The following RFX4 variants were observed in gnomAD, a reference collection of about 807,000 sequenced individuals.
RFX4 encodes the protein regulatory factor X4.
RFX4 carries 10 observed loss-of-function variants against 95.0 expected under a neutral mutation model. That is an observed-to-expected ratio of 0.11 (90% confidence interval 0.06 to 0.18). The LOEUF (loss-of-function observed/expected upper bound fraction) is 0.18, where lower values mean the gene tolerates loss of function less well. Ranked by LOEUF, RFX4 falls within the 10% of genes least tolerant of loss-of-function variation. The probability of loss-of-function intolerance (pLI) is 1.00; values close to 1 mark genes in which losing one functional copy is unlikely to be tolerated. For missense variants in RFX4, 640 were observed against 922.0 expected, an observed-to-expected ratio of 0.69 and a Z score of 3.96; for synonymous variants, 321 against 340.7, an observed-to-expected ratio of 0.94 and a Z score of 0.64.
intron 9 of RFX4, among the ~76,000 whole-genome samples, 158 bp from the exon 10 acceptor site, chr12:106,711,293 CAA>C (rs764729343): frequency 7.2e-5 from 11 of 152,160 alleles, no homozygotes; most frequent in Non-Finnish European, 1.5e-4. Context: ...AACAAAGAAT[CAA>C]GTGCAGGGTT....
At chr12:106,640,639 T>C (rs756528520) in intron 3 of RFX4, among the ~76,000 whole-genome samples, 55 of 152,302 alleles carry the variant, frequency 3.6e-4, no homozygotes, top group Admixed American at 2.6e-3. Flanking sequence ...CTACTTTATG[T>C]ATCAGATCAA....
intron 3 of RFX4, among the ~76,000 whole-genome samples, chr12:106,641,362 T>C (rs1486063028): frequency 6.6e-6 from 1 of 152,134 alleles, no homozygotes; most frequent in East Asian, 1.9e-4. Context: ...CAATAGTGTC[T>C]AGCTCATAGG....
At chr12:106,703,773 G>C (rs984373259) in intron 8 of RFX4, among the ~76,000 whole-genome samples, 5 of 152,008 alleles carry the variant, frequency 3.3e-5, no homozygotes, top group African/African-American at 1.2e-4. Context: ...AAGATTAAAA[G>C]CTGAAATGAG....
intron 1 of RFX4, among the ~76,000 whole-genome samples, chr12:106,598,465 C>G (rs1305389492): frequency 6.6e-6 from 1 of 152,068 alleles, no homozygotes; most frequent in Non-Finnish European, 1.5e-5. Flanking sequence ...TTGCGACCAA[C>G]ACACACAAAA....
intron 1 of RFX4, among the ~76,000 whole-genome samples, chr12:106,591,255 A>C (rs1384960708): frequency 1.4e-5 from 2 of 146,218 alleles, no homozygotes; most frequent in Non-Finnish European, 3.0e-5. Flanking sequence ...AAGTGTTAAA[A>C]TAGTCCCTTT....
intron 13 of RFX4, among the ~76,000 whole-genome samples, chr12:106,721,157 T>A (rs1323461482): frequency 6.6e-6 from 1 of 152,200 alleles, no homozygotes; most frequent in Non-Finnish European, 1.5e-5. Flanking sequence ...CATGCCTAGA[T>A]GTTCCCAGTG....
At chr12:106,671,563 T>TGAATGGAGACAGC (rs2041281186) in intron 4 of RFX4, among the ~76,000 whole-genome samples, 1 of 152,172 alleles carries the variant, frequency 6.6e-6, no homozygotes, top group Admixed American at 6.5e-5. Flanking sequence ...CCAGAGACTG[T>TGAATGGAGACAGC]GAATGGAGAC....
chr12:106,607,900 G>A (rs2039871138), intron 1 of RFX4, among the ~76,000 whole-genome samples: 1 of 152,060 alleles, frequency 6.6e-6, no homozygotes, highest in African/African-American at 2.4e-5. Flanking sequence ...ATTTTAAAAG[G>A]GCTACATAGT....
At chr12:106,726,905 G>A (rs538100242) in intron 13 of RFX4, among the ~76,000 whole-genome samples, 1 of 152,050 alleles carries the variant, frequency 6.6e-6, no homozygotes, top group East Asian at 1.9e-4. Context: ...CCAAGTAGCT[G>A]GGATTACAGG....
At chr12:106,674,717 A>G (rs2041357856) in intron 4 of RFX4, among the ~76,000 whole-genome samples, 1 of 152,048 alleles carries the variant, frequency 6.6e-6, no homozygotes, top group Non-Finnish European at 1.5e-5. Flanking sequence ...TGACTTTTTC[A>G]TTTATTTTTG....
rs75876468 is a variant in RFX4, at chr12:106,595,266, C to T, written c.43+11903C>T. Among the ~76,000 whole-genome samples the T allele has an allele frequency of 6.5e-3, 986 of 152,284 alleles. 13 individuals are homozygous for T. Among genetic ancestry groups the T allele is most frequent in the African/African-American group, 0.023 (955 of 41,542 alleles). On this transcript the variant is annotated intron_variant, in intron 1 of 17. Transcript: ENST00000392842. The stretch of plus-strand genomic sequence containing the variant: ...TACTGTGATTCCAAAGCCAGGTTGC[C>T]TCCTTGCCTCCCCAACTCCAGAGCT...
intron 2 of RFX4, among the ~76,000 whole-genome samples, chr12:106,620,017 T>C (rs562117500): frequency 2.4e-4 from 37 of 152,358 alleles, no homozygotes; most frequent in African/African-American, 8.4e-4. Flanking sequence ...TATTTTTCTC[T>C]ATCTCCTCAA....
Position 106,684,581 on chromosome 12 carries a change from A to G in RFX4, c.378-2303A>G, listed in dbSNP as rs184551696. The G allele has an allele frequency of 1.9e-5, 14 of 751,352 alleles. No homozygotes were observed. The East Asian group carries it at 2.2e-4, about 12-fold the overall frequency. The allele number at this position is 751,352 out of a possible 1,614,324, so 46.5% of individuals were successfully genotyped here. On this transcript the variant is annotated intron_variant, in intron 5 of 17. Transcript: ENST00000392842. ...TCAAGAAGTGGTCTGGTCTGAACAT[A>G]TTAGATGATCTGGCTCTTAAGAAGT...
At position 106,689,310 on chromosome 12, in the gene RFX4, C is replaced by T. The variant is rs748839773; in HGVS notation, c.615C>T (p.Tyr205=). ...EEKVSTFIMM[Y]RTHCQRILDT... ...AGGTTTCTACCTTTATTATGATGTACAGAACACACTGTCAGAGAATACTGG... is the reference window on the plus strand; with the variant it reads ...AGGTTTCTACCTTTATTATGATGTATAGAACACACTGTCAGAGAATACTGG... Residue 205 remains tyrosine (Y), a synonymous_variant, in exon 7 of 18, where the codon TAC becomes TAT. Transcript: ENST00000392842. 3 of 1,613,772 alleles carry T rather than the reference C, an allele frequency of 1.9e-6. No homozygotes were observed. The highest frequency in any genetic ancestry group is 2.5e-6 in the Non-Finnish European group (3 of 1,179,668).
chr12:106,636,499 T>A (rs1458923186), intron 2 of RFX4, among the ~76,000 whole-genome samples: 1 of 151,806 alleles, frequency 6.6e-6, no homozygotes, highest in Non-Finnish European at 1.5e-5. Flanking sequence ...TTAGGATCAA[T>A]GATTGATTCC....
intron 3 of RFX4, among the ~76,000 whole-genome samples, chr12:106,650,110 A>T (rs1178710064): frequency 6.6e-6 from 1 of 152,200 alleles, no homozygotes; most frequent in Non-Finnish European, 1.5e-5. Flanking sequence ...TTTCCAAAGA[A>T]TGCATTGATC....
In RFX4 at chr12:106,720,646, C is replaced by T; in HGVS notation, c.1234-113C>T. 1 of 1,046,952 alleles carries T rather than the reference C, an allele frequency of 9.6e-7. No individual in the cohort carries two copies. The highest frequency in any genetic ancestry group is 1.5e-6 in the Non-Finnish European group (1 of 682,188). 64.9% of individuals were successfully genotyped at this position (1,046,952 alleles called of 1,614,324 possible). A position where few individuals can be genotyped will look rare whatever the true frequency, so the allele number is the denominator to read the frequency against. ...CGATCATCCGCCCACCTTGGCCTCC[C>T]AAAGTGCTGGGATTACAGGCGTGAG... On this transcript the variant is annotated intron_variant, in intron 12 of 17. Coordinates refer to ENST00000392842, the MANE Select transcript of RFX4 (RefSeq NM_213594.3). The surrounding 1 kb of genome is among the most constrained non-coding windows in gnomAD (Gnocchi z 4.2).
intron 1 of RFX4, chr12:106,601,400 G>C: frequency 6.6e-7 from 1 of 1,525,468 alleles, no homozygotes; most frequent in Non-Finnish European, 8.9e-7. Context: ...CACCCTCAGG[G>C]GGAACTGGGG....
chr12:106,587,074 C>A (rs975112538), intron 1 of RFX4, among the ~76,000 whole-genome samples: 6 of 152,226 alleles, frequency 3.9e-5, no homozygotes, highest in Admixed American at 6.5e-5. Flanking sequence ...AAGTGAGAGC[C>A]GCATGGTACC....
Sources: gnomAD v4.1 joint callset for allele counts (sites outside exome capture counted in the v4.1 genomes callset) on GRCh38, gnomAD v4.1.1 for gene constraint, Gnocchi (gnomAD v3.1) non-coding constraint, MANE v1.5 for transcripts, NCBI Gene and HGNC (gene_info 2026-07-23, HGNC 2026-07-21) for gene names.